The following GFRA1 variants were observed in gnomAD, a reference collection of about 807,000 sequenced individuals.
The protein encoded by GFRA1 is GDNF family receptor alpha 1.
A neutral mutation model predicts 51.6 loss-of-function variants in GFRA1; 16 were observed. The observed-to-expected ratio is 0.31, with a 90% CI of 0.21 to 0.47. GFRA1 has a LOEUF of 0.47. Ranked by LOEUF, GFRA1 falls within the 20% of genes least tolerant of loss-of-function variation. GFRA1 has a pLI of 1.00. For synonymous variants in GFRA1, 270 were observed against 241.3 expected (o/e 1.12, Z -1.10); for missense variants, 530 against 594.3 (o/e 0.89, Z 1.13).
chr10:116,268,879 G>C (rs1276528062), intron 4 of GFRA1, among the ~76,000 whole-genome samples: 4 of 152,110 alleles, frequency 2.6e-5, no homozygotes, highest in African/African-American at 9.7e-5. Context: ...ACATAGAACT[G>C]CAAAGAGAGA....
chr10:116,265,316 G>T (rs772535689), intron 4 of GFRA1, among the ~76,000 whole-genome samples: 5 of 152,142 alleles, frequency 3.3e-5, no homozygotes, highest in Non-Finnish European at 7.3e-5. Flanking sequence ...CTATCCACTT[G>T]ATTCTTGCAT....
At chr10:116,196,707 TATATATAGTACTATATATA>T (rs1555166616) in intron 5 of GFRA1, among the ~76,000 whole-genome samples, 2 of 33,126 alleles carry the variant, frequency 6.0e-5, no homozygotes, top group Non-Finnish European at 1.0e-4. Context: ...TAATATATAT[TATATATAGTACTATATATA>T]ATATATAATA....
intron 4 of GFRA1, among the ~76,000 whole-genome samples, chr10:116,226,332 C>T (rs562578688): frequency 9.9e-5 from 15 of 152,266 alleles, no homozygotes; most frequent in African/African-American, 3.6e-4. Flanking sequence ...GCTCAGAAAA[C>T]GATGACTGCA....
intron 4 of GFRA1, among the ~76,000 whole-genome samples, chr10:116,269,125 C>A (rs1969892531): frequency 6.6e-6 from 1 of 152,122 alleles, no homozygotes; most frequent in South Asian, 2.1e-4. Context: ...CTGAACAGAT[C>A]CCATTTCCAG....
At chr10:116,234,420 T>C (rs1487269943) in intron 4 of GFRA1, among the ~76,000 whole-genome samples, 1 of 152,162 alleles carries the variant, frequency 6.6e-6, no homozygotes, top group Non-Finnish European at 1.5e-5. Context: ...ACAGGTGTTT[T>C]TGAATCCATA....
chr10:116,062,359 GTCTT>G lies in GFRA1; in HGVS notation c.*2035_*2038del. ...CTTAATGTGTTTATTCAAAGTAAGAGTCTTTATAGATCTTTTCACTAATTAAATA... is the reference window on the plus strand; with the variant it reads ...CTTAATGTGTTTATTCAAAGTAAGAGTATAGATCTTTTCACTAATTAAATA... On this transcript the variant is annotated 3_prime_UTR_variant, in exon 11 of 11. Transcript: ENST00000355422. 1 of 378,220 alleles carries G rather than the reference GTCTT, an allele frequency of 2.6e-6. No individual in the cohort carries two copies. The highest frequency in any genetic ancestry group is 2.1e-5 in the African/African-American group (1 of 48,394). 23.4% of individuals were successfully genotyped at this position (378,220 alleles called of 1,614,324 possible).
At chr10:116,211,888 C>T (rs1233759239) in intron 4 of GFRA1, among the ~76,000 whole-genome samples, 4 of 152,098 alleles carry the variant, frequency 2.6e-5, no homozygotes, top group African/African-American at 9.7e-5. Flanking sequence ...CCCTAAACCA[C>T]AAAATAGATC....
At chr10:116,114,079 G>A (rs1957317171) in intron 6 of GFRA1, among the ~76,000 whole-genome samples, 2 of 152,164 alleles carry the variant, frequency 1.3e-5, no homozygotes, top group Non-Finnish European at 2.9e-5. Flanking sequence ...ACATCCAGAG[G>A]GAGGGGGCCA....
intron 5 of GFRA1, among the ~76,000 whole-genome samples, chr10:116,176,239 A>G (rs1961583117): frequency 6.6e-6 from 1 of 152,232 alleles, no homozygotes; most frequent in African/African-American, 2.4e-5. Context: ...CCTTGGGAAG[A>G]TGGAACAAAA....
At chr10:116,073,530 T>G (rs10885850) in intron 9 of GFRA1, among the ~76,000 whole-genome samples, 8,165 of 152,300 alleles carry the variant, frequency 0.054, 725 homozygotes, top group African/African-American at 0.18. Context: ...AAAGACATTT[T>G]GAAGACGTTT....
intron 5 of GFRA1, among the ~76,000 whole-genome samples, chr10:116,159,561 C>G (rs1424732286): frequency 6.6e-6 from 1 of 152,184 alleles, no homozygotes; most frequent in East Asian, 1.9e-4. Context: ...CAGCAAGGCC[C>G]TCATTTCAAA....
At chr10:116,089,163 C>T (rs1956226264) in intron 9 of GFRA1, among the ~76,000 whole-genome samples, 1 of 152,128 alleles carries the variant, frequency 6.6e-6, no homozygotes, top group South Asian at 2.1e-4. Context: ...GGACTGTATC[C>T]ACATGCGGGG....
rs1403768347 is a variant in GFRA1, at chr10:116,125,003, A to T, written c.770+218T>A. Among the ~76,000 whole-genome samples the T allele has an allele frequency of 2.0e-5, 3 of 152,180 alleles. No individual in the cohort carries two copies. The East Asian group carries it at 5.8e-4, about 29-fold the overall frequency. ...GCATCCCTCAAAGCATTCTCAGGTTAAAGATGGGAACTTTCCCCAGCAGGG... is the reference window on the plus strand; with the variant it reads ...GCATCCCTCAAAGCATTCTCAGGTTTAAGATGGGAACTTTCCCCAGCAGGG... On this transcript the variant is annotated intron_variant, in intron 6 of 10. Coordinates refer to ENST00000355422, the MANE Select transcript of GFRA1 (RefSeq NM_005264.8).
chr10:116,147,488 CTT>C (rs1028808185), intron 5 of GFRA1, among the ~76,000 whole-genome samples: 31 of 152,194 alleles, frequency 2.0e-4, no homozygotes, highest in African/African-American at 7.5e-4. Context: ...TGCCCCAGCT[CTT>C]GACTCCCCAC....
intron 4 of GFRA1, among the ~76,000 whole-genome samples, chr10:116,216,187 A>G (rs113466979): frequency 1.4e-3 from 219 of 152,270 alleles, no homozygotes; most frequent in Non-Finnish European, 2.9e-3. Flanking sequence ...AGGCTGGGTG[A>G]TTCCTAAATG....
At chr10:116,161,765 TG>T (rs1959827792) in intron 5 of GFRA1, among the ~76,000 whole-genome samples, 1 of 152,250 alleles carries the variant, frequency 6.6e-6, no homozygotes, top group South Asian at 2.1e-4. Context: ...CATGTGGAAC[TG>T]TGAGCCCATT....
chr10:116,240,599 G>A (rs1404726019), intron 4 of GFRA1, among the ~76,000 whole-genome samples: 3 of 152,150 alleles, frequency 2.0e-5, no homozygotes, highest in Non-Finnish European at 2.9e-5. Flanking sequence ...AAATATGTGG[G>A]AAATGACTAG....
intron 6 of GFRA1, among the ~76,000 whole-genome samples, chr10:116,107,545 AG>A (rs1270677951): frequency 6.6e-6 from 1 of 151,438 alleles, no homozygotes; most frequent in Non-Finnish European, 1.5e-5. Flanking sequence ...AAGTTTTTAT[AG>A]GCCAATGAAA....
At chr10:116,097,835 T>C (rs3781509) in intron 6 of GFRA1, among the ~76,000 whole-genome samples, 9,721 of 152,162 alleles carry the variant, frequency 0.064, 794 homozygotes, top group East Asian at 0.2. Context: ...TAAGAGACTG[T>C]ATTTTCTTGG....
Sources: gnomAD v4.1 joint callset for allele counts (sites outside exome capture counted in the v4.1 genomes callset) on GRCh38, gnomAD v4.1.1 for gene constraint, MANE v1.5 for transcripts, NCBI Gene and HGNC (gene_info 2026-07-23, HGNC 2026-07-21) for gene names.